The following ALG6 variants were observed in gnomAD, a reference collection of about 807,000 sequenced individuals.
ALG6 encodes the protein ALG6 alpha-1,3-glucosyltransferase.
A neutral mutation model predicts 66.6 loss-of-function variants in ALG6; 46 were observed. The ratio of observed to expected loss-of-function variants is 0.69; its 90% CI spans 0.55 to 0.88. The LOEUF (loss-of-function observed/expected upper bound fraction) is 0.88, where lower values mean the gene tolerates loss of function less well. Ranked by LOEUF, ALG6 falls within the 40% of genes least tolerant of loss-of-function variation. ALG6 has a pLI of 0.00. For synonymous variants in ALG6, 185 were observed against 203.7 expected (o/e 0.91, Z 0.78); for missense variants, 505 against 586.8 (o/e 0.86, Z 1.44).
At position 63,402,332 on chromosome 1, in the gene ALG6, A is replaced by C. The variant is rs112029121; in HGVS notation, c.246A>C (p.Leu82=). The change falls in exon 4 of 15, where the codon CTA becomes CTC. Residue 82 remains leucine, a synonymous_variant. Transcript: ENST00000263440. ...YPPLTAYHSL[L]CAYVAKFINP... ...CTCTTACAGCTTATCATAGTCTCCT[A>C]TGTGCATATGTGTAAGTTTTTCTTT... is the stretch of plus-strand genomic sequence containing the variant. 1 of 1,606,312 alleles carries C rather than the reference A, an allele frequency of 6.2e-7. No individual in the cohort carries two copies. The highest frequency in any genetic ancestry group is 1.1e-5 in the South Asian group (1 of 90,886).
chr1:63,413,682 G>A, intron 9 of ALG6: 1 of 178,346 alleles, frequency 5.6e-6, no homozygotes, highest in East Asian at 1.5e-4. Flanking sequence ...AGTAAATTCA[G>A]TTGTGTGATA....
intron 2 of ALG6, among the ~76,000 whole-genome samples, chr1:63,375,597 T>G (rs1438039875): frequency 1.3e-5 from 2 of 152,066 alleles, no homozygotes; most frequent in African/African-American, 4.8e-5. Context: ...TTGTCAGGTT[T>G]GATATCAAGG....
intron 4 of ALG6, among the ~76,000 whole-genome samples, chr1:63,402,739 T>G (rs1192492452): frequency 2.0e-5 from 3 of 149,412 alleles, no homozygotes; most frequent in Non-Finnish European, 4.5e-5. Flanking sequence ...AGTGCTGGGA[T>G]TACAGGCATG....
At chr1:63,414,889 A>T (rs1644537395) in intron 10 of ALG6, among the ~76,000 whole-genome samples, 1 of 152,198 alleles carries the variant, frequency 6.6e-6, no homozygotes, top group African/African-American at 2.4e-5. Context: ...GGGGGGAAGG[A>T]AGAGCAATTC....
In ALG6 at chr1:63,372,364, CACAT is replaced by C. The variant is rs1378915494; in HGVS notation, c.82+1307_82+1310del. Among the ~76,000 whole-genome samples, 3 of 152,072 alleles carry C rather than the reference CACAT, an allele frequency of 2.0e-5. No individual in the cohort carries two copies. The East Asian group carries it at 5.8e-4, about 29-fold the overall frequency. Reference sequence around the variant, plus strand: ...GTAAGAGCTATGATATATACACAGACACATATATATACACAGACACACATTTACT... The same window carrying C: ...GTAAGAGCTATGATATATACACAGACATATATACACAGACACACATTTACT... On this transcript the variant is annotated intron_variant, in intron 2 of 14. Transcript: ENST00000263440.
At chr1:63,434,875 G>A (rs143271734) in intron 14 of ALG6, among the ~76,000 whole-genome samples, 35 of 152,302 alleles carry the variant, frequency 2.3e-4, no homozygotes, top group South Asian at 4.1e-4. Context: ...AGACGTAGGG[G>A]ACATGAGGAA....
rs1644489808 is a variant in ALG6, at chr1:63,406,369, T to C, written c.399T>C (p.Cys133=). The C allele has an allele frequency of 4.3e-6, 7 of 1,613,250 alleles. No individual in the cohort carries two copies. The African/African-American group carries it at 6.7e-5, about 15-fold the overall frequency. ...IYIPAVVLYC[C]CLKEISTKKK... ...TACCTGCAGTGGTTTTGTACTGTTGTTGCTTAAAAGAAATCTCAACTAAGA... is the reference window on the plus strand; with the variant it reads ...TACCTGCAGTGGTTTTGTACTGTTGCTGCTTAAAAGAAATCTCAACTAAGA... Residue 133 remains cysteine (C), a synonymous_variant, in exon 6 of 15, where the codon TGT becomes TGC. Coordinates refer to ENST00000263440, the MANE Select transcript of ALG6 (RefSeq NM_013339.4).
At chr1:63,410,766 A>AT (rs554813514) in intron 7 of ALG6, among the ~76,000 whole-genome samples, 3 of 151,218 alleles carry the variant, frequency 2.0e-5, no homozygotes, top group East Asian at 1.9e-4. Context: ...ATCTCAGTAA[A>AT]TTTTTTTTTA....
At chr1:63,393,399 C>G (rs1292501888) in intron 2 of ALG6, among the ~76,000 whole-genome samples, 1 of 152,168 alleles carries the variant, frequency 6.6e-6, no homozygotes, top group Non-Finnish European at 1.5e-5. Flanking sequence ...ATCAGTTTCT[C>G]TGCCTATGGG....
intron 2 of ALG6, among the ~76,000 whole-genome samples, chr1:63,395,171 AC>A (rs568806717): frequency 8.0e-4 from 121 of 151,942 alleles, no homozygotes; most frequent in African/African-American, 2.7e-3. Flanking sequence ...GCCAGATAAT[AC>A]CTATTTCATA....
intron 11 of ALG6, among the ~76,000 whole-genome samples, chr1:63,416,194 C>T (rs540877345): frequency 7.2e-5 from 11 of 152,206 alleles, no homozygotes; most frequent in African/African-American, 2.6e-4. Context: ...TGAGGGACTA[C>T]AAAGTAGAAA....
rs186257355 is a variant in ALG6, at chr1:63,398,616, G to A, written c.167+2019G>A. Among the ~76,000 whole-genome samples the A allele has an allele frequency of 2.7e-3, 411 of 152,224 alleles. 4 individuals are homozygous for A. Among genetic ancestry groups the A allele is most frequent in the African/African-American group, 9.1e-3 (376 of 41,528 alleles). ...GCTTCCCGAGTAGCTGGGACTACAG[G>A]CGCCCACCACCACGCCTGGCTAATT... On this transcript the variant is annotated intron_variant, in intron 3 of 14. Transcript: ENST00000263440.
intron 2 of ALG6, among the ~76,000 whole-genome samples, chr1:63,390,727 C>T (rs1378826243): frequency 1.3e-5 from 2 of 152,202 alleles, no homozygotes; most frequent in African/African-American, 2.4e-5. Flanking sequence ...ATGCTCCCTC[C>T]ATAGGTACCA....
At chr1:63,403,634 T>G (rs1371434100) in intron 4 of ALG6, among the ~76,000 whole-genome samples, 1 of 152,170 alleles carries the variant, frequency 6.6e-6, no homozygotes, top group Non-Finnish European at 1.5e-5. Flanking sequence ...GATTTCATCA[T>G]TATGCAAACA....
chr1:63,430,977 ATT>A (rs1332730925), intron 14 of ALG6, among the ~76,000 whole-genome samples: 1 of 152,118 alleles, frequency 6.6e-6, no homozygotes, highest in Non-Finnish European at 1.5e-5. Context: ...GGTCACAAAT[ATT>A]TACCCCTGTA....
At position 63,379,426 on chromosome 1, in the gene ALG6, G is replaced by T. The variant is rs544609522; in HGVS notation, c.82+8367G>T. ...TCCTGTACTACCAGGAGCCAAGGCC[G>T]AGATGAGTACTATCTTCACTATCTC... On this transcript the variant is annotated intron_variant, in intron 2 of 14. Transcript: ENST00000263440. Among the ~76,000 whole-genome samples, 3 of 152,234 alleles carry T rather than the reference G, an allele frequency of 2.0e-5. No individual in the cohort carries two copies. The East Asian group carries it at 5.8e-4, about 29-fold the overall frequency.
At chr1:63,403,817 G>C (rs4915641) in intron 4 of ALG6, among the ~76,000 whole-genome samples, 1 of 151,964 alleles carries the variant, frequency 6.6e-6, no homozygotes, top group South Asian at 2.1e-4. Context: ...CATAGCTAGC[G>C]TAAAAATATG....
chr1:63,384,736 CTT>C (rs1166440672), intron 2 of ALG6, among the ~76,000 whole-genome samples: 2 of 152,144 alleles, frequency 1.3e-5, no homozygotes, highest in African/African-American at 4.8e-5. Context: ...AAGAGACTCT[CTT>C]TTCCCCAGTG....
At position 63,402,241 on chromosome 1, in the gene ALG6, T is replaced by G. The variant is rs538512217; in HGVS notation, c.168-13T>G. ...TTAACGGAATGGTGCTTTCTTCTTT[T>G]TTTCTTTTTCAGGTATTTTAACAGC... On this transcript the variant is annotated splice_polypyrimidine_tract_variant and intron_variant, in intron 3 of 14. Coordinates refer to ENST00000263440, the MANE Select transcript of ALG6 (RefSeq NM_013339.4). 5 of 1,530,600 alleles carry G rather than the reference T, an allele frequency of 3.3e-6. No individual in the cohort carries two copies. The highest frequency in any genetic ancestry group is 1.1e-5 in the South Asian group (1 of 89,364). 94.8% of individuals were successfully genotyped at this position (1,530,600 alleles called of 1,614,324 possible).
Sources: gnomAD v4.1 joint callset for allele counts (sites outside exome capture counted in the v4.1 genomes callset) on GRCh38, gnomAD v4.1.1 for gene constraint, MANE v1.5 for transcripts, NCBI Gene and HGNC (gene_info 2026-07-23, HGNC 2026-07-21) for gene names.